ATRNL1: variants seen among roughly 807,000 people sequenced by gnomAD.
ATRNL1 encodes the protein attractin like 1.
In ATRNL1, 95 loss-of-function variants were observed where a neutral mutation model predicts 182.7. That is an observed-to-expected ratio of 0.52 (90% CI 0.44 to 0.62). The LOEUF (loss-of-function observed/expected upper bound fraction) is 0.62, where lower values mean the gene tolerates loss of function less well. Ranked by LOEUF, ATRNL1 falls within the 20% of genes least tolerant of loss-of-function variation. The pLI, the probability that ATRNL1 is intolerant of heterozygous loss-of-function variation, is 0.00. For missense variants in ATRNL1, 1,471 were observed against 1,679.5 expected, an observed-to-expected ratio of 0.88 and a Z score of 2.17; for synonymous variants, 576 against 568.3, an observed-to-expected ratio of 1.01 and a Z score of -0.19.
intron 27 of ATRNL1, among the ~76,000 whole-genome samples, chr10:115,845,425 A>C (rs2134349396): frequency 6.6e-6 from 1 of 152,148 alleles, no homozygotes; most frequent in South Asian, 2.1e-4. Flanking sequence ...TTTGTTGCTA[A>C]GTCTCTGAAG....
intron 19 of ATRNL1, among the ~76,000 whole-genome samples, chr10:115,355,254 G>A (rs1480018305): frequency 4.6e-5 from 7 of 152,126 alleles, no homozygotes; most frequent in Non-Finnish European, 8.8e-5. Context: ...AGTCTTTCCA[G>A]TCTGGCATTG....
intron 27 of ATRNL1, among the ~76,000 whole-genome samples, chr10:115,840,328 T>G (rs12249845): frequency 0.016 from 2,497 of 152,272 alleles, 64 homozygotes; most frequent in African/African-American, 0.057. Context: ...AAAAATATGG[T>G]CTATGTCCTC....
In ATRNL1 at chr10:115,588,277, A is replaced by G. The variant is rs117169889; in HGVS notation, c.3795+38741A>G. On this transcript the variant is annotated intron_variant, in intron 26 of 28. Coordinates refer to ENST00000355044, the MANE Select transcript of ATRNL1 (RefSeq NM_207303.4). The stretch of plus-strand genomic sequence containing the variant: ...ATGGATGGTGATTTATGTATGGACT[A>G]CATAAATGAGCCTCTTTTGCTGTGC... Among the ~76,000 whole-genome samples, 98 of 152,242 alleles carry G rather than the reference A, an allele frequency of 6.4e-4. 1 individual carries two copies. In the East Asian group the frequency reaches 0.014, roughly 22 times the overall value.
intron 27 of ATRNL1, among the ~76,000 whole-genome samples, chr10:115,768,539 C>A (rs1555075582): frequency 6.6e-6 from 1 of 151,850 alleles, no homozygotes; most frequent in South Asian, 2.1e-4. Flanking sequence ...ATTTTTTGAC[C>A]ATCGTTCTAC....
chr10:115,318,017 A>C (rs1184784301), intron 18 of ATRNL1, among the ~76,000 whole-genome samples: 2 of 152,070 alleles, frequency 1.3e-5, no homozygotes, highest in Admixed American at 6.6e-5. Flanking sequence ...ATTTAATATG[A>C]TATTGCTGTG....
At chr10:115,492,489 A>G (rs1849347402) in intron 24 of ATRNL1, among the ~76,000 whole-genome samples, 2 of 150,356 alleles carry the variant, frequency 1.3e-5, no homozygotes, top group South Asian at 4.2e-4. Flanking sequence ...GCTTTCTATT[A>G]GTTTACTTTG....
At chr10:115,858,435 A>G (rs571871442) in intron 28 of ATRNL1, among the ~76,000 whole-genome samples, 2 of 152,308 alleles carry the variant, frequency 1.3e-5, no homozygotes, top group East Asian at 3.9e-4. Flanking sequence ...AAACTAACAC[A>G]GGAAGAGAAA....
chr10:115,190,611 A>T (rs1848132041), intron 8 of ATRNL1, among the ~76,000 whole-genome samples: 1 of 152,064 alleles, frequency 6.6e-6, no homozygotes, highest in African/African-American at 2.4e-5. Context: ...TATGTTTATG[A>T]GATACATGTG....
At chr10:115,801,740 G>T (rs1406973623) in intron 27 of ATRNL1, among the ~76,000 whole-genome samples, 1 of 152,042 alleles carries the variant, frequency 6.6e-6, no homozygotes, top group East Asian at 1.9e-4. Flanking sequence ...ACTATTCCAA[G>T]AAACTCTTGC....
chr10:115,094,784 A>G (rs1554862729), intron 1 of ATRNL1, among the ~76,000 whole-genome samples: 1 of 152,210 alleles, frequency 6.6e-6, no homozygotes, highest in Non-Finnish European at 1.5e-5. Flanking sequence ...GAGCCAGTAC[A>G]CACTCCAGAA....
chr10:115,558,553 TC>T lies in ATRNL1; in HGVS notation c.3795+9018del, dbSNP rs781709389. On this transcript the variant is annotated intron_variant, in intron 26 of 28. Transcript: ENST00000355044. Reference sequence around the variant, plus strand: ...AGAGTAGCTTTTGATCCTTTGTTACTCAGCTTGGGGAGAGGGTTCTTTTTTT... The same window carrying T: ...AGAGTAGCTTTTGATCCTTTGTTACTAGCTTGGGGAGAGGGTTCTTTTTTT... 1.8e-3 allele frequency among the ~76,000 whole-genome samples: 272 copies of T among 152,288 alleles called. 1 individual carries two copies. The highest frequency in any genetic ancestry group is 0.01 in the Middle Eastern group (3 of 294).
chr10:115,379,077 T>G (rs1857839898), intron 19 of ATRNL1, among the ~76,000 whole-genome samples: 1 of 152,198 alleles, frequency 6.6e-6, no homozygotes, highest in African/African-American at 2.4e-5. Flanking sequence ...TTTTGCATCT[T>G]TTTTTATCCT....
At chr10:115,396,242 A>T (rs1380080177) in intron 20 of ATRNL1, among the ~76,000 whole-genome samples, 2 of 151,868 alleles carry the variant, frequency 1.3e-5, no homozygotes, top group African/African-American at 4.8e-5. Flanking sequence ...ATCTTGGGGG[A>T]ATTCCTATTA....
chr10:115,364,057 A>C (rs1311545339), intron 19 of ATRNL1, among the ~76,000 whole-genome samples: 7 of 150,722 alleles, frequency 4.6e-5, no homozygotes, highest in Non-Finnish European at 7.4e-5. Flanking sequence ...TCTGTGAAGA[A>C]AGTCATTGGT....
At chr10:115,527,825 C>T (rs1851306771) in intron 25 of ATRNL1, among the ~76,000 whole-genome samples, 2 of 122,154 alleles carry the variant, frequency 1.6e-5, no homozygotes, top group African/African-American at 3.0e-5. Flanking sequence ...TTCCTTCCTT[C>T]CTCCCTTCCT....
At chr10:115,117,757 C>A (rs1227879494) in intron 1 of ATRNL1, among the ~76,000 whole-genome samples, 1 of 151,960 alleles carries the variant, frequency 6.6e-6, no homozygotes, top group Non-Finnish European at 1.5e-5. Flanking sequence ...TAAATTTTTA[C>A]TTTTACGAGG....
At chr10:115,550,619 G>A (rs1345991522) in intron 26 of ATRNL1, among the ~76,000 whole-genome samples, 3 of 151,728 alleles carry the variant, frequency 2.0e-5, no homozygotes, top group Admixed American at 6.6e-5. Flanking sequence ...ATCAGTGAGG[G>A]TTTACTTGGA....
intron 28 of ATRNL1, among the ~76,000 whole-genome samples, chr10:115,936,670 A>C (rs1203847230): frequency 6.6e-6 from 1 of 152,210 alleles, no homozygotes; most frequent in Non-Finnish European, 1.5e-5. Context: ...CTGAAATACA[A>C]TGTCTCTACC....
At chr10:115,130,916 C>T (rs1310971784) in intron 5 of ATRNL1, among the ~76,000 whole-genome samples, 1 of 152,118 alleles carries the variant, frequency 6.6e-6, no homozygotes, top group Non-Finnish European at 1.5e-5. Flanking sequence ...ATTTGTATAA[C>T]ATTCTCTGTG....
Sources: gnomAD v4.1 joint callset for allele counts (sites outside exome capture counted in the v4.1 genomes callset) on GRCh38, gnomAD v4.1.1 for gene constraint, MANE v1.5 for transcripts, NCBI Gene and HGNC (gene_info 2026-07-23, HGNC 2026-07-21) for gene names.